TBC1D2B: variants seen among roughly 807,000 people sequenced by gnomAD.
The protein encoded by TBC1D2B is TBC1 domain family member 2B.
In TBC1D2B, 64 loss-of-function variants were observed where a neutral mutation model predicts 100.8. The ratio of observed to expected loss-of-function variants is 0.64; its 90% CI spans 0.52 to 0.78. TBC1D2B has a LOEUF of 0.78. Among genes scored for constraint, TBC1D2B ranks in the 30% least tolerant of loss-of-function variants. The pLI is 0.00. For synonymous variants in TBC1D2B, 480 were observed against 479.7 expected (o/e 1.00, Z -0.01); for missense variants, 1,052 against 1,218.4 (o/e 0.86, Z 2.03).
chr15:78,016,615 A>G lies in TBC1D2B; in HGVS notation c.1706T>C (p.Leu569Pro). The change falls in exon 8 of 13, where the codon CTG (leucine) becomes CCG (proline). Residue 569 changes from leucine to proline, a missense_variant. Around this residue, in one of 4 missense-constraint regions of TBC1D2B, gnomAD observed 373 missense variants for 464.9 expected, o/e 0.80. Coordinates refer to ENST00000300584, the MANE Select transcript of TBC1D2B (RefSeq NM_144572.2). ...GCTCTCAACCTGCAGAGCATCCTCC[A>G]GCAACTGGGCTATGACCTCCCGGGT... ...GPTREVIAQL[L>P]EDALQVESQE... 1 of 1,613,022 alleles carries G rather than the reference A, an allele frequency of 6.2e-7. No homozygotes were observed. Among genetic ancestry groups the G allele is most frequent in the Non-Finnish European group, 8.5e-7 (1 of 1,179,514 alleles).
intron 6 of TBC1D2B, among the ~76,000 whole-genome samples, chr15:78,023,353 C>A (rs923501569): frequency 6.6e-6 from 1 of 152,156 alleles, no homozygotes; most frequent in African/African-American, 2.4e-5. Flanking sequence ...ACTTGTCCAC[C>A]TAAAACCTCT....
At chr15:78,077,265 C>A in intron 1 of TBC1D2B, 28 bp downstream of exon 1, 1 of 1,406,712 alleles carries the variant, frequency 7.1e-7, no homozygotes, top group South Asian at 1.5e-5. Context: ...CGGAAGCGCG[C>A]GGGCGGCTTT....
intron 9 of TBC1D2B, among the ~76,000 whole-genome samples, chr15:78,009,737 G>A (rs961915942): frequency 1.3e-5 from 2 of 152,192 alleles, no homozygotes. Flanking sequence ...CACTTTGGGA[G>A]GCCGAGGCGG....
At chr15:78,064,115 A>T (rs1436990067) in intron 1 of TBC1D2B, among the ~76,000 whole-genome samples, 2 of 152,316 alleles carry the variant, frequency 1.3e-5, no homozygotes, top group African/African-American at 4.8e-5. Flanking sequence ...AAAGGCCCAC[A>T]AAAGCCTTCA....
At chr15:78,064,458 A>C (rs2073616580) in intron 1 of TBC1D2B, among the ~76,000 whole-genome samples, 1 of 152,208 alleles carries the variant, frequency 6.6e-6, no homozygotes, top group South Asian at 2.1e-4. Flanking sequence ...TACATGGATA[A>C]TTTTGGGTAT....
rs2071802773 is a variant in TBC1D2B, at chr15:77,997,822, G to A, written c.*338C>T. ...AGAATATGGGGAGATGCCCAGCAAA[G>A]CAAGGTTTCAGAGGGTCAGAGCACC... On this transcript the variant is annotated 3_prime_UTR_variant, in exon 13 of 13. Transcript: ENST00000300584. The A allele has an allele frequency of 9.7e-6, 2 of 205,942 alleles. No homozygotes were observed. Among genetic ancestry groups the A allele is most frequent in the South Asian group, 1.2e-4 (1 of 8,550 alleles). 12.8% of individuals were successfully genotyped at this position (205,942 alleles called of 1,614,324 possible).
chr15:78,010,618 C>A (rs1435203955), intron 9 of TBC1D2B, among the ~76,000 whole-genome samples: 1 of 151,840 alleles, frequency 6.6e-6, no homozygotes, highest in African/African-American at 2.4e-5. Flanking sequence ...CAAGCAGAGA[C>A]ACCAAATTGA....
At chr15:78,040,586 GAGAA>G (rs1488348418) in intron 3 of TBC1D2B, among the ~76,000 whole-genome samples, 1 of 88,806 alleles carries the variant, frequency 1.1e-5, no homozygotes, top group Non-Finnish European at 2.4e-5. Flanking sequence ...AAGGAAAGGG[GAGAA>G]AGAAAGAGAG....
At chr15:78,073,572 G>C (rs1489132905) in intron 1 of TBC1D2B, among the ~76,000 whole-genome samples, 2 of 152,176 alleles carry the variant, frequency 1.3e-5, no homozygotes, top group African/African-American at 4.8e-5. Context: ...TCTTGCATTT[G>C]AAAGACGAAA....
intron 10 of TBC1D2B, among the ~76,000 whole-genome samples, chr15:78,005,096 T>C (rs919407639): frequency 6.6e-6 from 1 of 152,194 alleles, no homozygotes; most frequent in African/African-American, 2.4e-5. Flanking sequence ...GGCCCTGACA[T>C]GGGAGAAGAT....
In TBC1D2B at chr15:78,045,045, C is replaced by A. The variant is rs147942157; in HGVS notation, c.538G>T (p.Ala180Ser). Reference sequence around the variant, plus strand: ...ACATTTCTGGCTTTTTCTGCAGAAGCATTTGGGTGTGGGTAAATTAAATCT... The same window carrying A: ...ACATTTCTGGCTTTTTCTGCAGAAGAATTTGGGTGTGGGTAAATTAAATCT... The part of the protein sequence containing the change: ...NTDLIYPHPN[A>S]SAEKARNVLA... Residue 180 changes from alanine to serine, a missense_variant, in exon 3 of 13, where the codon GCT (alanine) becomes TCT (serine). Around this residue, in one of 4 missense-constraint regions of TBC1D2B, gnomAD observed 627 missense variants for 646.1 expected, o/e 0.97. Transcript: ENST00000300584. 1 of 1,609,662 alleles carries A rather than the reference C, an allele frequency of 6.2e-7. No homozygotes were observed. The highest frequency in any genetic ancestry group is 1.1e-5 in the South Asian group (1 of 90,458).
chr15:78,072,637 A>G (rs1249471013), intron 1 of TBC1D2B, among the ~76,000 whole-genome samples: 1 of 152,230 alleles, frequency 6.6e-6, no homozygotes, highest in Non-Finnish European at 1.5e-5. Context: ...ACCAGTACAC[A>G]TGTCTATTTA....
intron 1 of TBC1D2B, among the ~76,000 whole-genome samples, chr15:78,058,203 G>A (rs1031444773): frequency 1.3e-5 from 2 of 152,172 alleles, no homozygotes; most frequent in Non-Finnish European, 2.9e-5. Flanking sequence ...GAACAGTGCT[G>A]GTCTACACTA....
chr15:78,019,592 AAAGAAACAAGGTTGGCTGGGAATG>A (rs760458055), intron 6 of TBC1D2B, among the ~76,000 whole-genome samples: 456 of 147,522 alleles, frequency 3.1e-3, no homozygotes, highest in South Asian at 0.01. Context: ...TTTTTTTTTT[AAAGAAACAAGGTTGGCTGGGAATG>A]GTGACTCATG....
At chr15:78,016,929 T>C in intron 7 of TBC1D2B, 190 bp from the exon 8 acceptor site, 1 of 527,446 alleles carries the variant, frequency 1.9e-6, no homozygotes, top group Non-Finnish European at 3.3e-6. Flanking sequence ...CTGCAGTGGG[T>C]TCCTCTCTTC....
At chr15:78,070,278 C>A (rs901144628) in intron 1 of TBC1D2B, among the ~76,000 whole-genome samples, 2 of 151,862 alleles carry the variant, frequency 1.3e-5, no homozygotes, top group African/African-American at 4.8e-5. Flanking sequence ...TCAACACCAA[C>A]TCATCCTTTG....
At chr15:78,027,756 G>A (rs1446621802) in intron 4 of TBC1D2B, among the ~76,000 whole-genome samples, 2 of 152,222 alleles carry the variant, frequency 1.3e-5, no homozygotes, top group Non-Finnish European at 2.9e-5. Context: ...GGAAGTCACA[G>A]CCAACAGTAC....
chr15:78,025,603 T>C (rs571526202), intron 4 of TBC1D2B, 106 bp from the exon 5 acceptor site: 20 of 812,272 alleles, frequency 2.5e-5, no homozygotes, highest in Non-Finnish European at 3.2e-5. Context: ...GTCGGCTCAC[T>C]GTAAGCTCCG....
chr15:78,009,499 T>A (rs2072161843), intron 9 of TBC1D2B, among the ~76,000 whole-genome samples: 1 of 151,412 alleles, frequency 6.6e-6, no homozygotes, highest in Admixed American at 6.6e-5. Flanking sequence ...ATAATCGCAC[T>A]ACTGCACTCC....
Sources: gnomAD v4.1 joint callset for allele counts (sites outside exome capture counted in the v4.1 genomes callset) on GRCh38, gnomAD v4.1.1 for gene constraint, gnomAD v4.1.1 regional missense constraint, MANE v1.5 for transcripts, NCBI Gene and HGNC (gene_info 2026-07-23, HGNC 2026-07-21) for gene names.